CAMK2D: variants seen among roughly 807,000 people sequenced by gnomAD.
CAMK2D encodes calcium/calmodulin dependent protein kinase II delta, also known as calcium/calmodulin-dependent protein kinase type II subunit delta.
Under a neutral mutation model 84.0 loss-of-function variants are expected in CAMK2D, and 37 were observed. The ratio of observed to expected loss-of-function variants is 0.44; its 90% CI spans 0.34 to 0.58. CAMK2D has a LOEUF of 0.58. CAMK2D is among the 20% of genes least tolerant of loss of function. The pLI is 0.02. For synonymous variants in CAMK2D, 202 were observed against 212.5 expected (o/e 0.95, Z 0.43); for missense variants, 448 against 652.5 (o/e 0.69, Z 3.41).
At chr4:113,549,023 T>C (rs1283855082) in intron 5 of CAMK2D, among the ~76,000 whole-genome samples, 1 of 152,152 alleles carries the variant, frequency 6.6e-6, no homozygotes, top group Non-Finnish European at 1.5e-5. Context: ...AGGTAAAATC[T>C]CCATATTTAG....
chr4:113,749,866 A>T (rs2099613304), intron 2 of CAMK2D, among the ~76,000 whole-genome samples: 1 of 152,252 alleles, frequency 6.6e-6, no homozygotes, highest in African/African-American at 2.4e-5. Context: ...AAATTAATTT[A>T]TAGAGTTATT....
At chr4:113,493,324 G>A (rs1469419719) in intron 16 of CAMK2D, among the ~76,000 whole-genome samples, 1 of 151,990 alleles carries the variant, frequency 6.6e-6, no homozygotes, top group South Asian at 2.1e-4. Context: ...AGGAACTCTT[G>A]TAAGGCAGGC....
intron 17 of CAMK2D, among the ~76,000 whole-genome samples, chr4:113,461,538 A>C (rs2154106209): frequency 1.3e-5 from 2 of 152,234 alleles, no homozygotes; most frequent in South Asian, 2.1e-4. Flanking sequence ...TATGGAAAGC[A>C]GGGTCACTGT....
chr4:113,552,232 A>G (rs1267549928), intron 4 of CAMK2D, 136 bp from the exon 5 acceptor site: 2 of 528,654 alleles, frequency 3.8e-6, no homozygotes, highest in Non-Finnish European at 6.8e-6. Context: ...AACATGAGAC[A>G]GTGTTCGTAA....
At chr4:113,686,403 C>T (rs911689468) in intron 2 of CAMK2D, among the ~76,000 whole-genome samples, 2 of 152,138 alleles carry the variant, frequency 1.3e-5, no homozygotes, top group Non-Finnish European at 2.9e-5. Context: ...CAAGTTTTCC[C>T]TTACAAAAGT....
chr4:113,533,283 A>G (rs540991237), intron 7 of CAMK2D, among the ~76,000 whole-genome samples: 1 of 152,272 alleles, frequency 6.6e-6, no homozygotes, highest in African/African-American at 2.4e-5. Context: ...ATTGAAGCAT[A>G]TATCTAAATG....
chr4:113,517,511 A>AC, intron 9 of CAMK2D, 52 bp downstream of exon 9: 1 of 805,316 alleles, frequency 1.2e-6, no homozygotes, highest in Non-Finnish European at 2.0e-6. Flanking sequence ...CTCTTGGTCA[A>AC]CAGGCAAAAG....
At chr4:113,511,064 G>A (rs573505175) in intron 12 of CAMK2D, among the ~76,000 whole-genome samples, 1 of 152,172 alleles carries the variant, frequency 6.6e-6, no homozygotes, top group South Asian at 2.1e-4. Flanking sequence ...TTTGGCCTGG[G>A]AGATGCAAAA....
intron 16 of CAMK2D, among the ~76,000 whole-genome samples, chr4:113,477,745 CAAAAAAA>C (rs34393843): frequency 1.7e-5 from 2 of 117,300 alleles, no homozygotes; most frequent in South Asian, 5.6e-4. Flanking sequence ...GACTCTGTCT[CAAAAAAA>C]AAAAAAAAAG....
At chr4:113,480,267 T>C (rs1276713939) in intron 16 of CAMK2D, among the ~76,000 whole-genome samples, 1 of 152,002 alleles carries the variant, frequency 6.6e-6, no homozygotes, top group African/African-American at 2.4e-5. Context: ...CCGGCCAGCA[T>C]TGACATATTA....
chr4:113,500,997 G>C (rs942205888), intron 15 of CAMK2D, among the ~76,000 whole-genome samples: 1 of 152,014 alleles, frequency 6.6e-6, no homozygotes, highest in Non-Finnish European at 1.5e-5. Context: ...TATAGGGAGA[G>C]AAAGCATTTC....
At chr4:113,693,897 T>A (rs1284948054) in intron 2 of CAMK2D, among the ~76,000 whole-genome samples, 1 of 152,166 alleles carries the variant, frequency 6.6e-6, no homozygotes, top group Non-Finnish European at 1.5e-5. Context: ...GGAAGACATA[T>A]CTGCCACAAA....
intron 4 of CAMK2D, among the ~76,000 whole-genome samples, chr4:113,604,337 C>T (rs1463521890): frequency 6.6e-6 from 1 of 152,104 alleles, no homozygotes; most frequent in African/African-American, 2.4e-5. Flanking sequence ...ATTATTGCTG[C>T]AATGATCACG....
intron 17 of CAMK2D, among the ~76,000 whole-genome samples, chr4:113,463,253 T>C (rs2097413667): frequency 6.6e-6 from 1 of 151,988 alleles, no homozygotes; most frequent in Admixed American, 6.5e-5. Flanking sequence ...ATGTAAAATT[T>C]GGGAAGAATA....
intron 2 of CAMK2D, among the ~76,000 whole-genome samples, chr4:113,752,223 AATAT>A (rs2099618979): frequency 6.6e-6 from 1 of 151,074 alleles, no homozygotes; most frequent in African/African-American, 2.4e-5. Flanking sequence ...TATAAAATTA[AATAT>A]ATATGATATA....
intron 3 of CAMK2D, among the ~76,000 whole-genome samples, chr4:113,627,556 C>T (rs2154282117): frequency 6.6e-6 from 1 of 152,250 alleles, no homozygotes; most frequent in East Asian, 1.9e-4. Flanking sequence ...CAGTAAAAGG[C>T]ATTACAACTC....
intron 12 of CAMK2D, among the ~76,000 whole-genome samples, chr4:113,511,250 GTACAAGATGTTGTAACTGGGTCTAA>G (rs1308908125): frequency 8.5e-4 from 129 of 152,264 alleles, no homozygotes; most frequent in East Asian, 7.7e-4. Context: ...GCAGTATCAA[GTACAAGATGTTGTAACTGGGTCTAA>G]TATTCTTCAG....
chr4:113,506,294 T>C (rs1362342314), intron 13 of CAMK2D, among the ~76,000 whole-genome samples: 1 of 152,204 alleles, frequency 6.6e-6, no homozygotes, highest in African/African-American at 2.4e-5. Context: ...TTTCTTTTCA[T>C]TCCCTTTTGT....
At chr4:113,480,999 T>G (rs2097694947) in intron 16 of CAMK2D, among the ~76,000 whole-genome samples, 1 of 152,180 alleles carries the variant, frequency 6.6e-6, no homozygotes, top group African/African-American at 2.4e-5. Flanking sequence ...CCTCCAAAAC[T>G]GTGAAAAATA....
Sources: allele counts gnomAD v4.1 joint callset (sites outside exome capture counted in the v4.1 genomes callset), GRCh38; gene constraint gnomAD v4.1.1; transcripts MANE v1.5; gene names NCBI Gene and HGNC (gene_info 2026-07-23, HGNC 2026-07-21).